PAK3: variants seen among roughly 807,000 people sequenced by gnomAD.
PAK3 encodes the protein serine/threonine-protein kinase PAK 3.
In PAK3, 4 loss-of-function variants were observed where a neutral mutation model predicts 41.0. That is an observed-to-expected ratio of 0.10 (90% confidence interval 0.05 to 0.22). The LOEUF (loss-of-function observed/expected upper bound fraction) is 0.22. Ranked by LOEUF, PAK3 falls within the 10% of genes least tolerant of loss-of-function variation. The pLI, the probability that PAK3 is intolerant of heterozygous loss-of-function variation, is 1.00. For synonymous variants in PAK3, 146 were observed against 139.6 expected (o/e 1.05, Z -0.32); for missense variants, 205 against 409.9 (o/e 0.50, Z 4.32).
intron 10 of PAK3, among the ~76,000 whole-genome samples, chrX:111,168,730 A>G (rs746194049): frequency 8.9e-6 from 1 of 112,010 alleles, no homozygotes; most frequent in South Asian, 3.7e-4. Flanking sequence ...ACCATTTGGA[A>G]TGGGTCATAA....
rs776476036 is a variant in PAK3 at position 111,031,894 on chromosome X, G to T, written c.-28+87266G>T. On this transcript the variant is annotated intron_variant, in intron 1 of 14. Transcript: ENST00000425146. The stretch of plus-strand genomic sequence containing the variant: ...AAGAGTTGTGATTTTATCACCAATA[G>T]AAATCATATTTTCCTGTAACATTAC... Among the ~76,000 whole-genome samples, 4 of 111,981 alleles carry T rather than the reference G, an allele frequency of 3.6e-5. No homozygotes were observed. In the South Asian group the frequency reaches 1.1e-3, roughly 32 times the overall value.
rs2094880300 is a variant in PAK3 at position 111,216,417 on chromosome X, A to G, written c.1408-4A>G. On this transcript the variant is annotated splice_polypyrimidine_tract_variant and splice_region_variant and intron_variant, in intron 16 of 17. Transcript: ENST00000372007. ...TGAATGGATTTTTCTATTTTTTTCT[A>G]CAGGCATTGTATCTGATAGCCACTA... The G allele has an allele frequency of 8.5e-7, 1 of 1,179,215 alleles. No individual in the cohort carries two copies. Among genetic ancestry groups the G allele is most frequent in the Non-Finnish European group, 1.2e-6 (1 of 866,113 alleles).
intron 10 of PAK3, among the ~76,000 whole-genome samples, chrX:111,170,657 C>T (rs2094326282): frequency 9.0e-6 from 1 of 111,355 alleles, no homozygotes; most frequent in African/African-American, 3.3e-5. Flanking sequence ...CCTCAAGAAG[C>T]AGCATGTAAG....
intron 1 of PAK3, among the ~76,000 whole-genome samples, chrX:110,964,623 T>C (rs1001236084): frequency 8.9e-6 from 1 of 112,450 alleles, no homozygotes; most frequent in Non-Finnish European, 1.9e-5. Flanking sequence ...TGTGCTCCCC[T>C]TGTCCTAGAA....
At chrX:111,112,425 C>A (rs1417061735) in intron 4 of PAK3, among the ~76,000 whole-genome samples, 1 of 110,136 alleles carries the variant, frequency 9.1e-6, no homozygotes, top group Non-Finnish European at 1.9e-5. Context: ...ACTGAGATGT[C>A]ATGGCTGACA....
At chrX:111,110,827 C>T (rs762651687) in intron 4 of PAK3, among the ~76,000 whole-genome samples, 157 of 112,239 alleles carry the variant, frequency 1.4e-3, no homozygotes, top group Non-Finnish European at 2.2e-3. Context: ...GCTTAGTAAA[C>T]GTTAGGGAGA....
chrX:111,205,307 C>T (rs2094733646), intron 16 of PAK3, among the ~76,000 whole-genome samples: 1 of 110,484 alleles, frequency 9.1e-6, no homozygotes, highest in Non-Finnish European at 1.9e-5. Flanking sequence ...TGTCTTGCGC[C>T]ATCACATGAG....
At chrX:111,158,777 T>C in intron 8 of PAK3, among the ~76,000 whole-genome samples, 1 of 112,301 alleles carries the variant, frequency 8.9e-6, no homozygotes, top group East Asian at 2.8e-4. Flanking sequence ...GGGGAATGGT[T>C]TCCACTGGAA....
intron 11 of PAK3, among the ~76,000 whole-genome samples, chrX:111,173,879 G>A (rs926238063): frequency 9.0e-6 from 1 of 111,381 alleles, no homozygotes; most frequent in Non-Finnish European, 1.9e-5. Context: ...TTTGAAACAG[G>A]GAAAAGTTTT....
intron 1 of PAK3, among the ~76,000 whole-genome samples, chrX:111,046,290 G>T: frequency 9.0e-6 from 1 of 111,540 alleles, no homozygotes; most frequent in East Asian, 2.8e-4. Context: ...TTGTTTGTTT[G>T]TTTGTTTACA....
intron 11 of PAK3, among the ~76,000 whole-genome samples, chrX:111,176,071 T>A (rs2094400707): frequency 9.0e-6 from 1 of 111,538 alleles, no homozygotes; most frequent in South Asian, 3.9e-4. Context: ...CTTTAGTGTT[T>A]AGCACAGTGC....
At chrX:111,012,117 T>C (rs146176623) in intron 1 of PAK3, among the ~76,000 whole-genome samples, 123 of 111,601 alleles carry the variant, frequency 1.1e-3, no homozygotes, top group African/African-American at 3.6e-3. Flanking sequence ...AATTATAATA[T>C]GGTAAACATA....
At position 111,000,514 on chromosome X, in the gene PAK3, G is replaced by A. The variant is rs149377591; in HGVS notation, c.-28+55886G>A. Among the ~76,000 whole-genome samples, 20 of 111,993 alleles carry A rather than the reference G, an allele frequency of 1.8e-4. No individual in the cohort carries two copies. The East Asian group carries it at 5.3e-3, about 30-fold the overall frequency. On this transcript the variant is annotated intron_variant, in intron 1 of 14. Transcript: ENST00000425146. ...AGATTAGAGGAGGCTAATGAGGCAT[G>A]GCAACTAAATACAATATGAGATCCT...
At chrX:111,150,913 C>A (rs753109933) in intron 7 of PAK3, among the ~76,000 whole-genome samples, 2 of 111,878 alleles carry the variant, frequency 1.8e-5, no homozygotes, top group Admixed American at 1.9e-4. Context: ...CTTACCTCTT[C>A]GCACTGGATT....
At chrX:111,195,025 C>G (rs1379910019) in intron 14 of PAK3, among the ~76,000 whole-genome samples, 2 of 111,892 alleles carry the variant, frequency 1.8e-5, no homozygotes, top group Non-Finnish European at 3.8e-5. Flanking sequence ...AACACACACA[C>G]TTTTTTACTG....
intron 1 of PAK3, chrX:111,013,860 G>T (rs1238154607): frequency 9.0e-6 from 1 of 111,202 alleles, no homozygotes; most frequent in Non-Finnish European, 1.9e-5. Context: ...TCTCTTCTGA[G>T]GAGTCAGAAG....
In PAK3 at chrX:111,163,741, G is replaced by T. The variant is rs1011652424; in HGVS notation, c.766+14G>T. ...TAGAGAAGCTAAGTGAGTACTTCTTGCCATGATTACTTTCTACACGGGAGT... is the reference window on the plus strand; with the variant it reads ...TAGAGAAGCTAAGTGAGTACTTCTTTCCATGATTACTTTCTACACGGGAGT... On this transcript the variant is annotated intron_variant, in intron 10 of 17. Coordinates refer to ENST00000372007, the MANE Select transcript of PAK3 (RefSeq NM_002578.5). 8.7e-7 allele frequency: 1 copy of T among 1,149,569 alleles called. No homozygotes were observed. Among genetic ancestry groups the T allele is most frequent in the Admixed American group, 2.2e-5 (1 of 45,868 alleles). 94.7% of individuals were successfully genotyped at this position (1,149,569 alleles called of 1,213,427 possible). A position where few individuals can be genotyped will look rare whatever the true frequency, so the allele number is the denominator to read the frequency against.
intron 1 of PAK3, among the ~76,000 whole-genome samples, chrX:111,054,768 T>C (rs2092589250): frequency 9.0e-6 from 1 of 111,468 alleles, no homozygotes; most frequent in Non-Finnish European, 1.9e-5. Flanking sequence ...GCCATTGCCC[T>C]GATCCCTTCC....
At chrX:110,982,677 G>A (rs911884930) in intron 1 of PAK3, among the ~76,000 whole-genome samples, 1 of 111,602 alleles carries the variant, frequency 9.0e-6, no homozygotes, top group Non-Finnish European at 1.9e-5. Context: ...GCTTATGGAG[G>A]GCAGGTCCAC....
Sources: gnomAD v4.1 joint callset for allele counts (sites outside exome capture counted in the v4.1 genomes callset) on GRCh38, gnomAD v4.1.1 for gene constraint, MANE v1.5 for transcripts, NCBI Gene and HGNC (gene_info 2026-07-23, HGNC 2026-07-21) for gene names.